Variants in NCAM2 observed in about 807,000 individuals in gnomAD.
NCAM2 encodes the protein N-CAM-2.
In NCAM2, 30 loss-of-function variants were observed where a neutral mutation model predicts 98.1. The observed-to-expected ratio is 0.31, with a 90% CI of 0.23 to 0.41. The LOEUF (loss-of-function observed/expected upper bound fraction) is 0.41. Among genes scored for constraint, NCAM2 ranks in the 10% least tolerant of loss-of-function variants. The probability of loss-of-function intolerance (pLI) is 1.00; values close to 1 mark genes in which losing one functional copy is unlikely to be tolerated. For synonymous variants in NCAM2, 368 were observed against 342.4 expected (o/e 1.07, Z -0.83); for missense variants, 867 against 1,005.8 (o/e 0.86, Z 1.87).
At chr21:21,292,289 T>C in intron 5 of NCAM2, 48 bp downstream of exon 5, 1 of 1,564,966 alleles carries the variant, frequency 6.4e-7, no homozygotes, top group Non-Finnish European at 8.7e-7. Context: ...ATTTTAGCAA[T>C]GTTTTTTATT....
chr21:21,051,215 C>T (rs2065101782), intron 1 of NCAM2, among the ~76,000 whole-genome samples: 1 of 151,850 alleles, frequency 6.6e-6, no homozygotes, highest in Non-Finnish European at 1.5e-5. Flanking sequence ...ACCTGACCAT[C>T]TCAGAAAAAA....
At chr21:21,123,045 A>G (rs1882255154) in intron 1 of NCAM2, among the ~76,000 whole-genome samples, 1 of 152,206 alleles carries the variant, frequency 6.6e-6, no homozygotes, top group African/African-American at 2.4e-5. Context: ...TTCCTTGGTA[A>G]TATAATTAAA....
intron 9 of NCAM2, among the ~76,000 whole-genome samples, chr21:21,381,399 TG>T (rs1292272100): frequency 6.6e-6 from 1 of 152,182 alleles, no homozygotes. Flanking sequence ...TTTTTTCCTA[TG>T]TTTTTTTCAC....
Position 21,041,170 on chromosome 21 carries a change from A to G in NCAM2, c.55+42552A>G, listed in dbSNP as rs575956337. On this transcript the variant is annotated intron_variant, in intron 1 of 17. Coordinates refer to ENST00000400546, the MANE Select transcript of NCAM2 (RefSeq NM_004540.5). ...AAAAGGGTTTTTCTGGTAAATTCACATTTACAAAGGGTCATATAAGAAACA... is the reference window on the plus strand; with the variant it reads ...AAAAGGGTTTTTCTGGTAAATTCACGTTTACAAAGGGTCATATAAGAAACA... Among the ~76,000 whole-genome samples the G allele has an allele frequency of 5.9e-5, 9 of 152,332 alleles. No homozygotes were observed. In the South Asian group the frequency reaches 1.5e-3, roughly 25 times the overall value.
intron 9 of NCAM2, among the ~76,000 whole-genome samples, chr21:21,377,678 C>G (rs1490114569): frequency 6.6e-6 from 1 of 151,848 alleles, no homozygotes; most frequent in African/African-American, 2.4e-5. Context: ...CATTACCTCA[C>G]CTACCTTTTT....
chr21:21,101,698 G>A lies in NCAM2; in HGVS notation c.55+103080G>A, dbSNP rs566858357. On this transcript the variant is annotated intron_variant, in intron 1 of 17. Transcript: ENST00000400546. ...GTAACCATTTCTCAAAAAGGTCACA[G>A]TCATGTGTTCTTTGCTGATATTTGA... Among the ~76,000 whole-genome samples the A allele has an allele frequency of 2.6e-5, 4 of 152,178 alleles. No individual in the cohort carries two copies. In the East Asian group the frequency reaches 7.7e-4, roughly 29 times the overall value.
intron 8 of NCAM2, among the ~76,000 whole-genome samples, chr21:21,347,113 A>G (rs1688461170): frequency 6.6e-6 from 1 of 152,050 alleles, no homozygotes; most frequent in Non-Finnish European, 1.5e-5. Context: ...AACAAAATTT[A>G]CAAAGCTTTA....
At position 21,108,541 on chromosome 21, in the gene NCAM2, A is replaced by G. The variant is rs189726693; in HGVS notation, c.55+109923A>G. On this transcript the variant is annotated intron_variant, in intron 1 of 17. Coordinates refer to ENST00000400546, the MANE Select transcript of NCAM2 (RefSeq NM_004540.5). ...CATAGATAAGAACACTATATAAAAC[A>G]TGGATTTTAAGGTGAATTGAATTTA... Among the ~76,000 whole-genome samples, 9 of 152,280 alleles carry G rather than the reference A, an allele frequency of 5.9e-5. No individual in the cohort carries two copies. In the East Asian group the frequency reaches 1.2e-3, roughly 20 times the overall value.
chr21:21,371,565 C>G (rs1001707782), intron 8 of NCAM2, among the ~76,000 whole-genome samples: 2 of 151,736 alleles, frequency 1.3e-5, no homozygotes, highest in Non-Finnish European at 2.9e-5. Context: ...TCATATCTTT[C>G]TTATGTCCTC....
At chr21:21,241,287 T>A (rs2071056088) in intron 1 of NCAM2, among the ~76,000 whole-genome samples, 1 of 150,776 alleles carries the variant, frequency 6.6e-6, no homozygotes, top group Non-Finnish European at 1.5e-5. Context: ...TAAAAAAAGA[T>A]AAGTTCCTGA....
At chr21:21,064,607 C>T (rs2065394693) in intron 1 of NCAM2, among the ~76,000 whole-genome samples, 1 of 152,110 alleles carries the variant, frequency 6.6e-6, no homozygotes, top group Admixed American at 6.5e-5. Flanking sequence ...CCTCAGGGTT[C>T]ATCACTCTGA....
intron 1 of NCAM2, among the ~76,000 whole-genome samples, chr21:21,124,716 C>G (rs1026322782): frequency 1.3e-5 from 2 of 152,136 alleles, no homozygotes; most frequent in African/African-American, 2.4e-5. Context: ...TTTCTTTAGT[C>G]TGTGATAGCA....
At chr21:21,138,096 T>G (rs961070259) in intron 1 of NCAM2, among the ~76,000 whole-genome samples, 1 of 152,148 alleles carries the variant, frequency 6.6e-6, no homozygotes, top group Non-Finnish European at 1.5e-5. Context: ...ATTTCCAAGC[T>G]CTGATCAGGG....
At chr21:21,321,501 G>T (rs1376526641) in intron 5 of NCAM2, among the ~76,000 whole-genome samples, 1 of 152,158 alleles carries the variant, frequency 6.6e-6, no homozygotes, top group African/African-American at 2.4e-5. Context: ...CCAGTGTCGA[G>T]AAGTGTATGT....
At chr21:21,111,572 C>G (rs1428267324) in intron 1 of NCAM2, among the ~76,000 whole-genome samples, 2 of 152,120 alleles carry the variant, frequency 1.3e-5, no homozygotes, top group Non-Finnish European at 2.9e-5. Flanking sequence ...GTGACACATG[C>G]TACGGATTAA....
At chr21:21,292,325 T>C in intron 5 of NCAM2, 84 bp downstream of exon 5, 2 of 1,351,572 alleles carry the variant, frequency 1.5e-6, no homozygotes, top group Non-Finnish European at 2.0e-6. Context: ...GAACTCAAAA[T>C]ACAAGTCTTA....
chr21:21,168,741 C>CT (rs1196356117), intron 1 of NCAM2, among the ~76,000 whole-genome samples: 1 of 152,014 alleles, frequency 6.6e-6, no homozygotes, highest in African/African-American at 2.4e-5. Flanking sequence ...CTAAAAAAGT[C>CT]TAAGAGCCAT....
At chr21:21,382,420 T>C (rs146934273) in intron 9 of NCAM2, among the ~76,000 whole-genome samples, 1 of 152,288 alleles carries the variant, frequency 6.6e-6, no homozygotes, top group African/African-American at 2.4e-5. Context: ...AATTAGGTAA[T>C]GTTCTCTTGT....
intron 1 of NCAM2, among the ~76,000 whole-genome samples, chr21:21,238,321 A>T (rs907806329): frequency 6.6e-6 from 1 of 152,118 alleles, no homozygotes; most frequent in Non-Finnish European, 1.5e-5. Flanking sequence ...TAAAAAGCTA[A>T]TTTGATTTAT....
Sources: allele counts gnomAD v4.1 joint callset (sites outside exome capture counted in the v4.1 genomes callset), GRCh38; gene constraint gnomAD v4.1.1; transcripts MANE v1.5; gene names NCBI Gene and HGNC (gene_info 2026-07-23, HGNC 2026-07-21).